Variants in GRK1 observed in about 807,000 individuals in gnomAD.
GRK1 encodes the protein G protein-coupled receptor kinase 1.
In GRK1, 28 loss-of-function variants were observed where a neutral mutation model predicts 41.7. That is an observed-to-expected ratio of 0.67 (90% CI 0.50 to 0.92). The LOEUF is 0.92. Ranked by LOEUF, GRK1 falls within the 40% of genes least tolerant of loss-of-function variation. The pLI is 0.00. For missense variants in GRK1, 703 were observed against 671.2 expected (o/e 1.05, Z -0.52); for synonymous variants, 327 against 286.7 (o/e 1.14, Z -1.42).
the GRK1 span, chr13:113,653,499 G>A: frequency 6.8e-7 from 1 of 1,461,734 alleles, no homozygotes; most frequent in South Asian, 1.2e-5. Context: ...CATCAGTTCT[G>A]AAGTGGCTGA....
chr13:113,733,608 T>C (rs1327267377), intron 6 of GRK1, among the ~76,000 whole-genome samples: 5 of 149,138 alleles, frequency 3.4e-5, no homozygotes, highest in South Asian at 4.2e-4. Context: ...TGTGTGCGCA[T>C]GTGTATGTGT....
At chr13:113,665,239 A>G (rs576387482), upstream of GRK1, among the ~76,000 whole-genome samples, 2 of 152,224 alleles carry the variant, frequency 1.3e-5, no homozygotes, top group African/African-American at 4.8e-5. Context: ...TTCTTCTCCA[A>G]ACCTTTATTG....
In GRK1 at chr13:113,733,662, C is replaced by CGTGTGT. The variant is rs377471247; in HGVS notation, c.1396+579_1396+584dup. Among the ~76,000 whole-genome samples, 109 of 126,166 alleles carry CGTGTGT rather than the reference C, an allele frequency of 8.6e-4. 1 individual carries two copies. Among genetic ancestry groups the CGTGTGT allele is most frequent in the African/African-American group, 3.2e-3 (102 of 31,602 alleles). 82.8% of individuals were successfully genotyped at this position (126,166 alleles called of 152,430 possible). A position where few individuals can be genotyped will look rare whatever the true frequency, so the allele number is the denominator to read the frequency against. On this transcript the variant is annotated intron_variant, in intron 6 of 6. Transcript: ENST00000335678. ...ATGTATGTGTGCATACGTGTGTGTGCGTGTGTGCACGTGTGTGCATGTATG... is the reference window on the plus strand; with the variant it reads ...ATGTATGTGTGCATACGTGTGTGTGCGTGTGTGTGTGTGCACGTGTGTGCATGTATG...
chr13:113,657,803 C>T, the GRK1 span, among the ~76,000 whole-genome samples: 2 of 152,264 alleles, frequency 1.3e-5, no homozygotes, highest in Non-Finnish European at 2.9e-5. Context: ...CCTCCACCGG[C>T]GTTCTGCAGC....
At chr13:113,659,267 C>T in the GRK1 span, among the ~76,000 whole-genome samples, 1 of 152,146 alleles carries the variant, frequency 6.6e-6, no homozygotes, top group Non-Finnish European at 1.5e-5. Context: ...GCTGCAGTGC[C>T]CATCTCTGCA....
intron 1 of GRK1, among the ~76,000 whole-genome samples, chr13:113,669,168 G>A (rs2049839934): frequency 6.6e-6 from 1 of 152,234 alleles, no homozygotes; most frequent in Non-Finnish European, 1.5e-5. Flanking sequence ...GCAGAAAGGG[G>A]CCTCCGACAT....
At chr13:113,734,022 G>GTT (rs1491337555) in intron 6 of GRK1, among the ~76,000 whole-genome samples, 1 of 108,998 alleles carries the variant, frequency 9.2e-6, no homozygotes, top group Admixed American at 8.6e-5. Flanking sequence ...GCATGTGTGT[G>GTT]CGTGCGTGTG....
At position 113,667,940 on chromosome 13, in the gene GRK1, T is replaced by TG; in HGVS notation, c.559dup (p.Glu187GlyfsTer72). ...TGGAAGTGGCTGGAAGCCCAGCCCA[T>TG]GGGGGAGGACTGGTTCCTGGACTTC... is the stretch of plus-strand genomic sequence containing the variant. On this transcript the variant is annotated frameshift_variant, in exon 1 of 7. Coordinates refer to ENST00000335678, the MANE Select transcript of GRK1 (RefSeq NM_002929.3). LOFTEE classifies it high-confidence loss of function. This position sits in a 1 kb window ranked among gnomAD's most constrained non-coding sequence, Gnocchi z 7.5. The TG allele has an allele frequency of 7.5e-6, 12 of 1,609,610 alleles. No individual in the cohort carries two copies. The highest frequency in any genetic ancestry group is 1.0e-5 in the Non-Finnish European group (12 of 1,178,150).
At chr13:113,667,216 C>G, upstream of GRK1, 1 of 654,710 alleles carries the variant, frequency 1.5e-6, no homozygotes, top group Non-Finnish European at 2.5e-6. The surrounding 1 kb of genome is among the most constrained non-coding windows in gnomAD (Gnocchi z 7.5). Context: ...CCAGGGGCTT[C>G]CCAGTGGTCC....
chr13:113,666,803 T>G (rs1185636659), upstream of GRK1, among the ~76,000 whole-genome samples: 1 of 152,190 alleles, frequency 6.6e-6, no homozygotes, highest in Non-Finnish European at 1.5e-5. Flanking sequence ...ATTCCTATTA[T>G]CAGGTGGTTT....
chr13:113,727,393 G>A (rs1369352131), intron 4 of GRK1, among the ~76,000 whole-genome samples: 2 of 152,214 alleles, frequency 1.3e-5, no homozygotes, highest in East Asian at 3.9e-4. Flanking sequence ...TTTGAGGTGT[G>A]GCCTGTGGTC....
chr13:113,661,850 A>G, the GRK1 span, among the ~76,000 whole-genome samples: 1 of 152,222 alleles, frequency 6.6e-6, no homozygotes, highest in African/African-American at 2.4e-5. Context: ...ATCTCCCAAT[A>G]AAGAAACCTC....
At position 113,667,848 on chromosome 13, in the gene GRK1, G is replaced by T; in HGVS notation, c.462G>T (p.Leu154=). The change falls in exon 1 of 7, where the codon CTG becomes CTT. Residue 154 remains leucine, a synonymous_variant. Transcript: ENST00000335678. This position sits in a 1 kb window ranked among gnomAD's most constrained non-coding sequence, Gnocchi z 7.5. The part of the protein sequence containing the change: ...GLFQPLLQAT[L]AHLGQAPFQE... Reference sequence around the variant, plus strand: ...TCCAGCCCCTGCTGCAGGCCACCCTGGCACACCTGGGCCAAGCCCCCTTCC... The same window carrying T: ...TCCAGCCCCTGCTGCAGGCCACCCTTGCACACCTGGGCCAAGCCCCCTTCC... 6.3e-7 allele frequency: 1 copy of T among 1,587,276 alleles called. No homozygotes were observed. Among genetic ancestry groups the T allele is most frequent in the South Asian group, 1.1e-5 (1 of 87,916 alleles).
In GRK1 at chr13:113,733,704, CGTGTGTGCGCACGT is replaced by C. The variant is rs772292409; in HGVS notation, c.1396+630_1396+643del. On this transcript the variant is annotated intron_variant, in intron 6 of 6. Transcript: ENST00000335678. ...GCATGTATGTGTGCATACATGTGTG[CGTGTGTGCGCACGT>C]GTGTGTGCGCGCGTGTGTATGTGTG... Among the ~76,000 whole-genome samples, 210 of 97,234 alleles carry C rather than the reference CGTGTGTGCGCACGT, an allele frequency of 2.2e-3. 3 individuals are homozygous for C. The highest frequency in any genetic ancestry group is 3.4e-3 in the Non-Finnish European group (170 of 49,726). The allele number at this position is 97,234 out of a possible 152,430, so 63.8% of individuals were successfully genotyped here. A position where few individuals can be genotyped will look rare whatever the true frequency, so the allele number is the denominator to read the frequency against.
chr13:113,736,212 T>C lies in GRK1; in HGVS notation c.*849T>C, dbSNP rs1268466868. The stretch of plus-strand genomic sequence containing the variant: ...GTCCCGGAAGCACCTCAGCTGCTCT[T>C]GGCGGGCAAAGCCAGGACCGTTTGC... On this transcript the variant is annotated 3_prime_UTR_variant, in exon 7 of 7. Transcript: ENST00000335678. 6.6e-6 allele frequency: 1 copy of C among 152,308 alleles called. No homozygotes were observed. The highest frequency in any genetic ancestry group is 1.5e-5 in the Non-Finnish European group (1 of 68,144). The allele number at this position is 152,308 out of a possible 1,614,324, so 9.4% of individuals were successfully genotyped here. A position where few individuals can be genotyped will look rare whatever the true frequency, so the allele number is the denominator to read the frequency against.
At chr13:113,734,971 G>A in intron 6 of GRK1, 97 bp from the exon 7 acceptor site, 1 of 1,215,056 alleles carries the variant, frequency 8.2e-7, no homozygotes, top group South Asian at 1.6e-5. Flanking sequence ...CCAGGCCTTT[G>A]TGCATCTGGG....
At position 113,735,536 on chromosome 13, in the gene GRK1, CTGAGCCGCCAGACGCACATGCTGGTGCCG is replaced by C; in HGVS notation, c.*180_*208del. 1 of 653,264 alleles carries C rather than the reference CTGAGCCGCCAGACGCACATGCTGGTGCCG, an allele frequency of 1.5e-6. No individual in the cohort carries two copies. The highest frequency in any genetic ancestry group is 2.4e-6 in the Non-Finnish European group (1 of 417,234). 40.5% of individuals were successfully genotyped at this position (653,264 alleles called of 1,614,324 possible). The stretch of plus-strand genomic sequence containing the variant: ...CAAGGAGGAGAAAGCCCACATCGGC[CTGAGCCGCCAGACGCACATGCTGGTGCCG>C]TGAGCCCCCGACTGCATATTTCACG... On this transcript the variant is annotated 3_prime_UTR_variant, in exon 7 of 7. Coordinates refer to ENST00000335678, the MANE Select transcript of GRK1 (RefSeq NM_002929.3).
chr13:113,649,592 G>C, the GRK1 span: 315 of 1,443,568 alleles, frequency 2.2e-4, no homozygotes, highest in Admixed American at 3.1e-4. This position sits in a 1 kb window ranked among gnomAD's most constrained non-coding sequence, Gnocchi z 4.7. Flanking sequence ...GTTAAGGAGA[G>C]AAAACTAAGC....
chr13:113,733,547 G>A (rs1316083736), intron 6 of GRK1, among the ~76,000 whole-genome samples: 3 of 151,088 alleles, frequency 2.0e-5, no homozygotes, highest in African/African-American at 7.3e-5. Flanking sequence ...GCATGCGTGT[G>A]CGCGCACGTG....
Sources: gnomAD v4.1 joint callset for allele counts (sites outside exome capture counted in the v4.1 genomes callset) on GRCh38, gnomAD v4.1.1 for gene constraint, Gnocchi (gnomAD v3.1) non-coding constraint, MANE v1.5 for transcripts, NCBI Gene and HGNC (gene_info 2026-07-23, HGNC 2026-07-21) for gene names.